The following CAPN13 variants were observed in gnomAD, a reference collection of about 807,000 sequenced individuals.
CAPN13 encodes calpain 13.
A neutral mutation model predicts 98.4 loss-of-function variants in CAPN13; 90 were observed. The ratio of observed to expected loss-of-function variants is 0.92; its 90% CI spans 0.77 to 1.09. The LOEUF is 1.09. CAPN13 is among the 50% of genes least tolerant of loss of function. The pLI is 0.00. For missense variants in CAPN13, 887 were observed against 841.3 expected (o/e 1.05, Z -0.67); for synonymous variants, 330 against 305.5 (o/e 1.08, Z -0.84).
At chr2:30,798,860 G>A (rs1186354290) in intron 1 of CAPN13, among the ~76,000 whole-genome samples, 1 of 152,132 alleles carries the variant, frequency 6.6e-6, no homozygotes, top group African/African-American at 2.4e-5. Flanking sequence ...TGAAGGCTGG[G>A]GCTGACACTC....
At chr2:30,729,289 T>G (rs758951011) in intron 22 of CAPN13, among the ~76,000 whole-genome samples, 11 of 152,192 alleles carry the variant, frequency 7.2e-5, no homozygotes, top group Non-Finnish European at 1.6e-4. Flanking sequence ...AGCGCTCCTG[T>G]GGCTGATGAT....
At chr2:30,777,665 T>C (rs1394796419) in intron 2 of CAPN13, 26 bp from the exon 3 acceptor site, 1 of 1,518,782 alleles carries the variant, frequency 6.6e-7, no homozygotes, top group South Asian at 1.2e-5. Context: ...AGAAAAGCTA[T>C]GAACATCGTT....
chr2:30,735,987 T>C (rs1671344726), intron 18 of CAPN13, among the ~76,000 whole-genome samples: 1 of 151,888 alleles, frequency 6.6e-6, no homozygotes, highest in African/African-American at 2.4e-5. Flanking sequence ...CCTTTAGACT[T>C]GTATTGGAGT....
chr2:30,758,554 G>A (rs921136), intron 7 of CAPN13, among the ~76,000 whole-genome samples: 45 of 152,298 alleles, frequency 3.0e-4, no homozygotes, highest in African/African-American at 1.0e-3. Context: ...ATTCTCTGCC[G>A]GCAGCCCAGT....
intron 8 of CAPN13, among the ~76,000 whole-genome samples, chr2:30,754,766 C>A (rs1983383): frequency 0.39 from 59,396 of 151,746 alleles, 12,039 homozygotes; most frequent in East Asian, 0.54. Flanking sequence ...CTACCTCTTA[C>A]ACCCCTCTCA....
chr2:30,770,222 G>A, intron 5 of CAPN13, 91 bp downstream of exon 5: 4 of 1,522,356 alleles, frequency 2.6e-6, no homozygotes, highest in Non-Finnish European at 3.6e-6. Context: ...GGTGGCAAAG[G>A]CTGCAATGCT....
chr2:30,749,346 G>A (rs775886770), intron 11 of CAPN13, among the ~76,000 whole-genome samples: 3 of 152,122 alleles, frequency 2.0e-5, no homozygotes, highest in Non-Finnish European at 2.9e-5. Flanking sequence ...TGCAAAATAC[G>A]TCTCGTCCAA....
At chr2:30,738,137 G>A (rs1671467828) in intron 17 of CAPN13, 98 bp downstream of exon 17, 2 of 1,264,400 alleles carry the variant, frequency 1.6e-6, no homozygotes, top group African/African-American at 2.9e-5. Context: ...AAAATACTGA[G>A]TGGGAAAAGG....
chr2:30,768,839 G>A (rs1162320358), intron 5 of CAPN13, among the ~76,000 whole-genome samples: 2 of 152,050 alleles, frequency 1.3e-5, no homozygotes, highest in Admixed American at 6.5e-5. Context: ...ATAAATAACT[G>A]TGCATGGGAT....
chr2:30,772,031 G>A (rs971749551), intron 4 of CAPN13, among the ~76,000 whole-genome samples: 5 of 152,180 alleles, frequency 3.3e-5, no homozygotes, highest in Non-Finnish European at 7.3e-5. Flanking sequence ...AGCTTCTCTG[G>A]TTAGTTCATC....
intron 17 of CAPN13, 78 bp downstream of exon 17, chr2:30,738,157 T>C: frequency 6.6e-7 from 1 of 1,504,320 alleles, no homozygotes; most frequent in Non-Finnish European, 9.2e-7. Context: ...GGTTCCCTAC[T>C]GTCCTAATTA....
intron 18 of CAPN13, among the ~76,000 whole-genome samples, chr2:30,735,445 G>A (rs757441230): frequency 8.5e-5 from 13 of 152,186 alleles, no homozygotes; most frequent in Non-Finnish European, 1.9e-4. Flanking sequence ...GGCCTTATTC[G>A]GCTTTTGGTG....
In CAPN13 at chr2:30,787,272, G is replaced by C. The variant is rs754158764; in HGVS notation, c.54C>G (p.Asp18Glu). 1.9e-6 allele frequency: 3 copies of C among 1,613,482 alleles called. No individual in the cohort carries two copies. Among genetic ancestry groups the C allele is most frequent in the Non-Finnish European group, 1.7e-6 (2 of 1,179,740 alleles). Residue 18 changes from aspartate to glutamate, a missense_variant, in exon 2 of 23, where the codon GAC becomes GAG. Coordinates refer to ENST00000295055, the MANE Select transcript of CAPN13 (RefSeq NM_144575.3). The part of the protein sequence containing the change: ...SVETSIIKFK[D>E]QDFTTLRDHC... ...GATCCCGCAAGGTGGTAAAGTCCTGGTCTTTGAACTTGATGATGGAGGTCT... is the reference window on the plus strand; with the variant it reads ...GATCCCGCAAGGTGGTAAAGTCCTGCTCTTTGAACTTGATGATGGAGGTCT...
chr2:30,802,173 C>T (rs960749684), intron 1 of CAPN13, among the ~76,000 whole-genome samples: 18 of 151,678 alleles, frequency 1.2e-4, no homozygotes, highest in African/African-American at 4.1e-4. Context: ...TGGGGGGTGG[C>T]GGGGGTTTGG....
In CAPN13 at chr2:30,763,090, C is replaced by T. The variant is rs768879251; in HGVS notation, c.766G>A (p.Ala256Thr). ...VSLHAYTVTG[A>T]EQIQYRRGWE... ...CCAGCAGCCAGCCTTACCTGCTCAG[C>T]CCCAGTCACAGTGTAGGCATGGAGA... Residue 256 changes from alanine (A) to threonine (T), a missense_variant, in exon 7 of 23, where the codon GCT becomes ACT. By Grantham distance (58) the Ala-to-Thr change is moderately conservative. Transcript: ENST00000295055. The T allele has an allele frequency of 2.2e-5, 36 of 1,608,778 alleles. No homozygotes were observed. The highest frequency in any genetic ancestry group is 3.0e-5 in the Non-Finnish European group (35 of 1,177,752).
At position 30,770,176 on chromosome 2, in the gene CAPN13, T is replaced by C. The variant is rs369171884; in HGVS notation, c.524+137A>G. 196 of 1,196,178 alleles carry C rather than the reference T, an allele frequency of 1.6e-4. 1 individual carries two copies. In the African/African-American group the frequency reaches 2.6e-3, roughly 16 times the overall value. The allele number at this position is 1,196,178 out of a possible 1,614,324, so 74.1% of individuals were successfully genotyped here. Reference sequence around the variant, plus strand: ...CTCCTGATGGCCCCAACATGGACCTTTGCACGTGGTGATTGTTTATGGAGA... The same window carrying C: ...CTCCTGATGGCCCCAACATGGACCTCTGCACGTGGTGATTGTTTATGGAGA... On this transcript the variant is annotated intron_variant, in intron 5 of 22. Coordinates refer to ENST00000295055, the MANE Select transcript of CAPN13 (RefSeq NM_144575.3).
chr2:30,730,070 C>T (rs1318068603), intron 22 of CAPN13, among the ~76,000 whole-genome samples: 2 of 152,144 alleles, frequency 1.3e-5, no homozygotes, highest in Non-Finnish European at 2.9e-5. Context: ...CTAAGGAATA[C>T]CTAACACTCG....
chr2:30,745,852 C>A, intron 11 of CAPN13, 118 bp from the exon 12 acceptor site: 5 of 685,008 alleles, frequency 7.3e-6, no homozygotes, highest in Non-Finnish European at 1.2e-5. Context: ...TTTTCTTCCT[C>A]TCTTTTAAAG....
intron 8 of CAPN13, among the ~76,000 whole-genome samples, 186 bp downstream of exon 8, chr2:30,757,860 C>T (rs1484836700): frequency 6.6e-6 from 1 of 152,166 alleles, no homozygotes; most frequent in East Asian, 1.9e-4. Flanking sequence ...CAGTAGGTGC[C>T]CCATAGTTGC....
Sources: allele counts gnomAD v4.1 joint callset (sites outside exome capture counted in the v4.1 genomes callset), GRCh38; gene constraint gnomAD v4.1.1; transcripts MANE v1.5; gene names NCBI Gene and HGNC (gene_info 2026-07-23, HGNC 2026-07-21).